RIGI: variants seen among roughly 807,000 people sequenced by gnomAD.
RIGI encodes the protein antiviral innate immune response receptor RIG-I.
chr9:32,488,905 A>G, the RIGI span: 2 of 1,582,516 alleles, frequency 1.3e-6, no homozygotes. Context: ...CATGTAAGGA[A>G]AAAAGAAAAC....
the RIGI span, among the ~76,000 whole-genome samples, chr9:32,498,702 G>T: frequency 6.6e-6 from 1 of 152,156 alleles, no homozygotes; most frequent in Non-Finnish European, 1.5e-5. Flanking sequence ...CCATATTCCA[G>T]CTGGGTGCAG....
chr9:32,514,152 T>G, the RIGI span, among the ~76,000 whole-genome samples: 2 of 152,206 alleles, frequency 1.3e-5, no homozygotes, highest in Admixed American at 1.3e-4. Flanking sequence ...TCAACCATTG[T>G]GGAAGACAGT....
At chr9:32,490,008 C>T in the RIGI span, among the ~76,000 whole-genome samples, 2 of 152,184 alleles carry the variant, frequency 1.3e-5, no homozygotes, top group African/African-American at 4.8e-5. Context: ...TGGAAATTAT[C>T]TACTGAGTCT....
At chr9:32,493,640 A>C in the RIGI span, 3 of 652,898 alleles carry the variant, frequency 4.6e-6, no homozygotes, top group Non-Finnish European at 4.9e-6. Flanking sequence ...AAAAAGTACT[A>C]TTCTATGAGT....
At chr9:32,488,601 G>A in the RIGI span, 1 of 919,086 alleles carries the variant, frequency 1.1e-6, no homozygotes, top group Non-Finnish European at 1.5e-6. Flanking sequence ...AATCCATGAA[G>A]GGATAACATC....
the RIGI span, among the ~76,000 whole-genome samples, chr9:32,502,709 C>T: frequency 1.3e-5 from 2 of 152,284 alleles, no homozygotes; most frequent in East Asian, 1.9e-4. Flanking sequence ...CTTGCCCTTC[C>T]GGTTTCTGGT....
At chr9:32,492,306 G>A in the RIGI span, 2 of 1,473,906 alleles carry the variant, frequency 1.4e-6, no homozygotes, top group African/African-American at 1.4e-5. Flanking sequence ...CTATCTGAGG[G>A]GAAAAACGCC....
chr9:32,500,627 G>T, the RIGI span, among the ~76,000 whole-genome samples: 1 of 152,094 alleles, frequency 6.6e-6, no homozygotes, highest in African/African-American at 2.4e-5. Context: ...AGATTCTTTT[G>T]TTGGATGTTT....
the RIGI span, chr9:32,487,470 C>G: frequency 6.2e-7 from 1 of 1,613,656 alleles, no homozygotes; most frequent in Non-Finnish European, 8.5e-7. Flanking sequence ...ATCCAACTTA[C>G]ACTTCTGGGG....
At chr9:32,483,009 T>C in the RIGI span, among the ~76,000 whole-genome samples, 1 of 152,146 alleles carries the variant, frequency 6.6e-6, no homozygotes, top group Non-Finnish European at 1.5e-5. Context: ...CATCTGTCTG[T>C]GTGCATCTCC....
chr9:32,520,762 T>C, the RIGI span, among the ~76,000 whole-genome samples: 1 of 152,128 alleles, frequency 6.6e-6, no homozygotes, highest in African/African-American at 2.4e-5. Flanking sequence ...TCTTGGAGCA[T>C]TACTCTACTC....
At chr9:32,459,686 C>T in the RIGI span, among the ~76,000 whole-genome samples, 1 of 152,114 alleles carries the variant, frequency 6.6e-6, no homozygotes, top group African/African-American at 2.4e-5. Context: ...TATTGGTTCT[C>T]CTAACTTAGT....
At chr9:32,508,695 T>G in the RIGI span, among the ~76,000 whole-genome samples, 2 of 151,868 alleles carry the variant, frequency 1.3e-5, no homozygotes, top group Non-Finnish European at 2.9e-5. Context: ...GACACTGAGC[T>G]AGCTGCAGTT....
the RIGI span, among the ~76,000 whole-genome samples, chr9:32,467,247 T>TCAA: frequency 0.027 from 4,056 of 152,250 alleles, 194 homozygotes; most frequent in African/African-American, 0.094. Flanking sequence ...CTCTTTAGCA[T>TCAA]CAAGTAAATT....
At chr9:32,462,433 G>C in the RIGI span, among the ~76,000 whole-genome samples, 1 of 93,830 alleles carries the variant, frequency 1.1e-5, no homozygotes, top group Non-Finnish European at 2.0e-5. Context: ...TTTTGAGACA[G>C]AGTCTCATTT....
chr9:32,485,886 G>A, the RIGI span, among the ~76,000 whole-genome samples: 153 of 152,158 alleles, frequency 1.0e-3, 1 homozygote, highest in Middle Eastern at 3.4e-3. Context: ...CTCTGATGAG[G>A]CGGGCATCTC....
chr9:32,525,187 T>C, the RIGI span, among the ~76,000 whole-genome samples: 1 of 152,200 alleles, frequency 6.6e-6, no homozygotes, highest in Admixed American at 6.5e-5. Flanking sequence ...TCAGGGCCCT[T>C]GTCCACTAGA....
chr9:32,485,786 G>A, the RIGI span, among the ~76,000 whole-genome samples: 5 of 151,964 alleles, frequency 3.3e-5, no homozygotes, highest in South Asian at 4.2e-4. Flanking sequence ...TGACCCACCC[G>A]CCTTGGCCTC....
the RIGI span, chr9:32,500,694 G>C: frequency 7.7e-7 from 1 of 1,301,922 alleles, no homozygotes; most frequent in Non-Finnish European, 1.1e-6. Flanking sequence ...CTCAGACTAA[G>C]AGGCATGAAC....
Sources: allele counts gnomAD v4.1 joint callset (sites outside exome capture counted in the v4.1 genomes callset), GRCh38; gene constraint gnomAD v4.1.1; transcripts MANE v1.5; gene names NCBI Gene and HGNC (gene_info 2026-07-23, HGNC 2026-07-21).